HPSE2: variants seen among roughly 807,000 people sequenced by gnomAD.
HPSE2 encodes inactive heparanase-2.
HPSE2 carries 38 observed loss-of-function variants against 60.5 expected under a neutral mutation model. That is an observed-to-expected ratio of 0.63 (90% confidence interval 0.48 to 0.82). The LOEUF is 0.82. Ranked by LOEUF, HPSE2 falls within the 40% of genes least tolerant of loss-of-function variation. The probability of loss-of-function intolerance (pLI) is 0.00; values close to 1 mark genes in which losing one functional copy is unlikely to be tolerated. For synonymous variants in HPSE2, 295 were observed against 293.2 expected (o/e 1.01, Z -0.06); for missense variants, 713 against 740.4 (o/e 0.96, Z 0.43).
chr10:99,078,503 C>T (rs1391066386), intron 3 of HPSE2, among the ~76,000 whole-genome samples: 1 of 151,970 alleles, frequency 6.6e-6, no homozygotes, highest in Non-Finnish European at 1.5e-5. Flanking sequence ...GAATAATAAC[C>T]CCAAAAAAGT....
chr10:99,091,262 CAT>C (rs1265064447), intron 3 of HPSE2, among the ~76,000 whole-genome samples: 1 of 152,092 alleles, frequency 6.6e-6, no homozygotes, highest in African/African-American at 2.4e-5. Flanking sequence ...CTCAAAGAGA[CAT>C]AGAACTACAA....
chr10:98,478,688 C>G (rs891599324), intron 11 of HPSE2, among the ~76,000 whole-genome samples: 2 of 152,204 alleles, frequency 1.3e-5, no homozygotes, highest in African/African-American at 4.8e-5. Flanking sequence ...TTTCACTTGG[C>G]AGTCCTCTGA....
At chr10:98,481,029 C>T (rs978399028) in intron 11 of HPSE2, among the ~76,000 whole-genome samples, 3 of 152,160 alleles carry the variant, frequency 2.0e-5, no homozygotes, top group Non-Finnish European at 2.9e-5. Flanking sequence ...GGATGGACAC[C>T]TTGGCTTGTT....
chr10:98,761,342 T>C (rs1295159994), intron 3 of HPSE2, among the ~76,000 whole-genome samples: 1 of 152,116 alleles, frequency 6.6e-6, no homozygotes, highest in Non-Finnish European at 1.5e-5. Context: ...ACTCCTAGCT[T>C]TCTTGATCTT....
intron 3 of HPSE2, among the ~76,000 whole-genome samples, chr10:98,955,969 G>A (rs189006717): frequency 6.6e-6 from 1 of 152,074 alleles, no homozygotes; most frequent in Non-Finnish European, 1.5e-5. Flanking sequence ...GTGAAGGGGA[G>A]GGAGAGCATC....
At chr10:98,998,856 G>T (rs1589491144) in intron 3 of HPSE2, among the ~76,000 whole-genome samples, 1 of 152,302 alleles carries the variant, frequency 6.6e-6, no homozygotes, top group South Asian at 2.1e-4. Flanking sequence ...ACACCTCCTG[G>T]ATCCCAAAGC....
intron 7 of HPSE2, among the ~76,000 whole-genome samples, chr10:98,624,040 T>G (rs1946141628): frequency 6.6e-6 from 1 of 152,160 alleles, no homozygotes; most frequent in Admixed American, 6.5e-5. Context: ...CATTAACTAA[T>G]TCATTCAACA....
chr10:98,600,948 GAGAA>G (rs1189097211), intron 9 of HPSE2, among the ~76,000 whole-genome samples: 1 of 23,448 alleles, frequency 4.3e-5, no homozygotes, highest in African/African-American at 6.3e-5. Context: ...TATAGAAAGA[GAGAA>G]AGAGAGTGAG....
chr10:99,196,251 C>G (rs1004130186), intron 2 of HPSE2, among the ~76,000 whole-genome samples: 5 of 152,016 alleles, frequency 3.3e-5, no homozygotes, highest in African/African-American at 1.2e-4. Flanking sequence ...AACTATGAAA[C>G]TACTAAAAGG....
At chr10:98,828,708 G>T (rs1951611077) in intron 3 of HPSE2, among the ~76,000 whole-genome samples, 1 of 152,164 alleles carries the variant, frequency 6.6e-6, no homozygotes, top group African/African-American at 2.4e-5. Flanking sequence ...ACCCCAGAAG[G>T]TAAGTGTCGG....
intron 3 of HPSE2, chr10:99,047,769 A>G: frequency 1.2e-6 from 1 of 833,146 alleles, no homozygotes; most frequent in Admixed American, 1.7e-5. Context: ...ATGCTTCAAA[A>G]GGCAAGAAGG....
chr10:98,997,112 C>CTTTTTTTT (rs34434956), intron 3 of HPSE2, among the ~76,000 whole-genome samples: 8 of 119,726 alleles, frequency 6.7e-5, no homozygotes, highest in African/African-American at 6.4e-5. Context: ...CAGACCCTTT[C>CTTTTTTTT]TTTTTTTTTT....
intron 3 of HPSE2, among the ~76,000 whole-genome samples, chr10:98,879,358 C>A (rs769971525): frequency 1.1e-4 from 17 of 151,988 alleles, no homozygotes; most frequent in Non-Finnish European, 2.1e-4. Flanking sequence ...TCTGTGATTT[C>A]CTATATACTA....
At chr10:99,011,754 CAAAAAAAAAA>C (rs5787319) in intron 3 of HPSE2, among the ~76,000 whole-genome samples, 1 of 93,108 alleles carries the variant, frequency 1.1e-5, no homozygotes, top group African/African-American at 4.5e-5. Context: ...GACTCCATCT[CAAAAAAAAAA>C]AAAAAAAAAA....
chr10:98,557,794 C>G (rs1337767685), intron 9 of HPSE2, among the ~76,000 whole-genome samples: 1 of 152,018 alleles, frequency 6.6e-6, no homozygotes, highest in Non-Finnish European at 1.5e-5. Flanking sequence ...ACTAAAAATA[C>G]AAAAATTAGG....
the HPSE2 span, among the ~76,000 whole-genome samples, chr10:99,294,469 T>C: frequency 2.0e-5 from 3 of 146,712 alleles, no homozygotes; most frequent in South Asian, 6.3e-4. Context: ...TAATAATATA[T>C]AATATATTTA....
At chr10:99,197,869 T>C (rs1387187826) in intron 2 of HPSE2, among the ~76,000 whole-genome samples, 12 of 152,204 alleles carry the variant, frequency 7.9e-5, no homozygotes, top group Non-Finnish European at 1.6e-4. Flanking sequence ...GAGACCAGCC[T>C]GGCCAACCAT....
chr10:98,620,565 G>A (rs2133985978), intron 8 of HPSE2, 37 bp downstream of exon 8: 2 of 1,482,428 alleles, frequency 1.3e-6, no homozygotes, highest in Non-Finnish European at 1.9e-6. Context: ...CTTCCCTCCT[G>A]AAAGCCCCTG....
intron 6 of HPSE2, among the ~76,000 whole-genome samples, chr10:98,665,875 TC>T (rs1413311596): frequency 6.6e-6 from 1 of 151,938 alleles, no homozygotes; most frequent in Non-Finnish European, 1.5e-5. Flanking sequence ...AATTACACGA[TC>T]AAATTTACAA....
Sources: gnomAD v4.1 joint callset for allele counts (sites outside exome capture counted in the v4.1 genomes callset) on GRCh38, gnomAD v4.1.1 for gene constraint, MANE v1.5 for transcripts, NCBI Gene and HGNC (gene_info 2026-07-23, HGNC 2026-07-21) for gene names.